The following RAB5A variants were observed in gnomAD, a reference collection of about 807,000 sequenced individuals.
The protein encoded by RAB5A is RAB5A, member RAS oncogene family.
RAB5A carries 8 observed loss-of-function variants against 25.7 expected under a neutral mutation model. The observed-to-expected ratio is 0.31, with a 90% CI of 0.18 to 0.56. RAB5A has a LOEUF of 0.56. Ranked by LOEUF, RAB5A falls within the 20% of genes least tolerant of loss-of-function variation. RAB5A has a pLI of 0.91. For synonymous variants in RAB5A, 98 were observed against 89.8 expected (o/e 1.09, Z -0.52); for missense variants, 192 against 259.7 (o/e 0.74, Z 1.79).
At chr3:19,952,208 C>T (rs1217004872) in intron 2 of RAB5A, among the ~76,000 whole-genome samples, 1 of 152,092 alleles carries the variant, frequency 6.6e-6, no homozygotes, top group African/African-American at 2.4e-5. Flanking sequence ...ATCAAAGAAA[C>T]CTATAATTAT....
intron 5 of RAB5A, chr3:19,978,643 A>G: frequency 3.0e-6 from 1 of 334,804 alleles, no homozygotes; most frequent in Admixed American, 4.8e-5. Context: ...TAATACTGTC[A>G]GTTTAGGCAG....
At chr3:19,980,602 A>G (rs1010305213) in intron 5 of RAB5A, among the ~76,000 whole-genome samples, 3 of 152,142 alleles carry the variant, frequency 2.0e-5, no homozygotes, top group Admixed American at 2.0e-4. Flanking sequence ...CTCACCTCTG[A>G]TTTAAACACT....
intron 2 of RAB5A, among the ~76,000 whole-genome samples, chr3:19,974,717 T>A (rs1222600900): frequency 3.8e-5 from 1 of 26,474 alleles, no homozygotes; most frequent in African/African-American, 1.7e-4. Context: ...CAAGACTGTG[T>A]CTCAGAAAAA....
At chr3:19,960,005 G>T (rs1242920340) in intron 2 of RAB5A, among the ~76,000 whole-genome samples, 1 of 152,250 alleles carries the variant, frequency 6.6e-6, no homozygotes, top group African/African-American at 2.4e-5. Context: ...ACTTGGTTTT[G>T]AATAATAATT....
At chr3:19,949,291 C>A (rs1397035199) in intron 1 of RAB5A, among the ~76,000 whole-genome samples, 1 of 152,178 alleles carries the variant, frequency 6.6e-6, no homozygotes, top group East Asian at 1.9e-4. Flanking sequence ...GAGGTAGTTT[C>A]ATTGCCTTAA....
intron 2 of RAB5A, among the ~76,000 whole-genome samples, chr3:19,974,712 C>A (rs1445213155): frequency 1.6e-5 from 1 of 63,022 alleles, no homozygotes; most frequent in Non-Finnish European, 3.7e-5. Context: ...TAGAGCAAGA[C>A]TGTGTCTCAG....
intron 2 of RAB5A, chr3:19,951,344 C>G: frequency 3.7e-6 from 1 of 266,812 alleles, no homozygotes; most frequent in Non-Finnish European, 7.2e-6. Context: ...TGACCTGATA[C>G]CTATTTCTAG....
At position 19,983,984 on chromosome 3, in the gene RAB5A, T is replaced by G. The variant is rs1052988554; in HGVS notation, c.*161T>G. 6.8e-6 allele frequency: 4 copies of G among 586,376 alleles called. No homozygotes were observed. The highest frequency in any genetic ancestry group is 1.2e-5 in the Non-Finnish European group (4 of 325,316). 36.3% of individuals were successfully genotyped at this position (586,376 alleles called of 1,614,324 possible). A position where few individuals can be genotyped will look rare whatever the true frequency, so the allele number is the denominator to read the frequency against. On this transcript the variant is annotated 3_prime_UTR_variant, in exon 6 of 6. Coordinates refer to ENST00000273047, the MANE Select transcript of RAB5A (RefSeq NM_004162.5). ...TATTTTAAGTGTTTTGAACTTAATT[T>G]TTAATAACATGCATGGGTCCCTCTC...
chr3:19,970,476 A>AGCC, intron 2 of RAB5A: 1 of 447,860 alleles, frequency 2.2e-6, no homozygotes, highest in South Asian at 1.6e-5. Context: ...GCTCAGAGGG[A>AGCC]GCCTATCAGA....
At chr3:19,969,031 G>GTGTTTTTTTTTTTTTTTTTT (rs1559490064) in intron 2 of RAB5A, among the ~76,000 whole-genome samples, 1 of 99,702 alleles carries the variant, frequency 1.0e-5, no homozygotes, top group Non-Finnish European at 1.9e-5. Flanking sequence ...TTTGGTTTTG[G>GTGTTTTTTTTTTTTTTTTTT]TTTTTTTTTT....
At chr3:19,947,922 G>C (rs1575064359) in intron 1 of RAB5A, 1 of 152,508 alleles carries the variant, frequency 6.6e-6, no homozygotes, top group East Asian at 1.9e-4. Context: ...TGCTTATCCA[G>C]GCGATCTGTA....
At chr3:19,947,918 T>A (rs1696351153) in intron 1 of RAB5A, 1 of 152,364 alleles carries the variant, frequency 6.6e-6, no homozygotes, top group Admixed American at 6.5e-5. Flanking sequence ...GTGCTGCTTA[T>A]CCAGGCGATC....
At chr3:19,965,293 G>GTGCCT (rs1173533160) in intron 2 of RAB5A, among the ~76,000 whole-genome samples, 1 of 152,050 alleles carries the variant, frequency 6.6e-6, no homozygotes, top group Non-Finnish European at 1.5e-5. Flanking sequence ...GTGGTTGTGT[G>GTGCCT]TGCCTATAGT....
intron 2 of RAB5A, among the ~76,000 whole-genome samples, chr3:19,966,474 T>A (rs1233330143): frequency 6.6e-6 from 1 of 152,236 alleles, no homozygotes; most frequent in Non-Finnish European, 1.5e-5. Flanking sequence ...CTTTAGCTGT[T>A]ATGAATAATG....
intron 1 of RAB5A, among the ~76,000 whole-genome samples, chr3:19,950,386 C>T (rs1014281568): frequency 1.3e-5 from 2 of 152,206 alleles, no homozygotes; most frequent in African/African-American, 4.8e-5. Flanking sequence ...TCCAAGTAGC[C>T]TGGCTACAGA....
At chr3:19,976,593 G>A (rs543571861) in intron 4 of RAB5A, among the ~76,000 whole-genome samples, 4 of 152,322 alleles carry the variant, frequency 2.6e-5, no homozygotes, top group Non-Finnish European at 2.9e-5. Context: ...GCTGAGGCAG[G>A]AGAATCTCTT....
intron 5 of RAB5A, chr3:19,978,876 C>T (rs1387395322): frequency 6.6e-6 from 1 of 152,152 alleles, no homozygotes; most frequent in African/African-American, 2.4e-5. Flanking sequence ...GATTTCAAAG[C>T]ATAGAGGCGT....
intron 4 of RAB5A, 111 bp downstream of exon 4, chr3:19,976,280 A>G (rs1696823909): frequency 1.6e-6 from 2 of 1,222,482 alleles, no homozygotes; most frequent in South Asian, 3.3e-5. Context: ...AATAGAAAAT[A>G]CTGATTTTTA....
At chr3:19,970,793 C>T (rs1260349944) in intron 2 of RAB5A, 5 of 298,212 alleles carry the variant, frequency 1.7e-5, no homozygotes, top group South Asian at 2.7e-5. Context: ...AATTTGTTTA[C>T]GTAACTTTAT....
Sources: allele counts gnomAD v4.1 joint callset (sites outside exome capture counted in the v4.1 genomes callset), GRCh38; gene constraint gnomAD v4.1.1; transcripts MANE v1.5; gene names NCBI Gene and HGNC (gene_info 2026-07-23, HGNC 2026-07-21).